Variants in RUNX1T1 observed in about 807,000 individuals in gnomAD.
The protein encoded by RUNX1T1 is protein CBFA2T1.
A neutral mutation model predicts 62.8 loss-of-function variants in RUNX1T1; 4 were observed. That is an observed-to-expected ratio of 0.06 (90% CI 0.03 to 0.15). The LOEUF is 0.15. Ranked by LOEUF, RUNX1T1 falls within the 10% of genes least tolerant of loss-of-function variation. The probability of loss-of-function intolerance (pLI) is 1.00; values close to 1 mark genes in which losing one functional copy is unlikely to be tolerated. For missense variants in RUNX1T1, 508 were observed against 754.3 expected (o/e 0.67, Z 3.82); for synonymous variants, 291 against 286.0 (o/e 1.02, Z -0.18).
chr8:92,022,319 A>C (rs1824278501), intron 1 of RUNX1T1, among the ~76,000 whole-genome samples: 1 of 152,318 alleles, frequency 6.6e-6, no homozygotes, highest in Admixed American at 6.5e-5. Flanking sequence ...CAATGGGAAG[A>C]TGCTGGAGAC....
chr8:91,978,302 G>A (rs1249779690), intron 8 of RUNX1T1, among the ~76,000 whole-genome samples: 1 of 152,108 alleles, frequency 6.6e-6, no homozygotes, highest in Non-Finnish European at 1.5e-5. Context: ...ATAATAAAGT[G>A]AGGACAATAC....
upstream of RUNX1T1, among the ~76,000 whole-genome samples, chr8:92,067,929 A>G (rs1833111733): frequency 6.6e-6 from 1 of 152,324 alleles, no homozygotes; most frequent in Non-Finnish European, 1.5e-5. Flanking sequence ...AGCTTTTAAC[A>G]CTTGCACTGA....
chr8:91,987,016 C>T, intron 6 of RUNX1T1, 44 bp from the exon 8 acceptor site: 2 of 1,261,302 alleles, frequency 1.6e-6, no homozygotes, highest in Non-Finnish European at 2.3e-6. Context: ...GCATTCAGTA[C>T]ACAACCCATA....
At chr8:92,100,684 A>G (rs764103493), upstream of RUNX1T1, among the ~76,000 whole-genome samples, 5 of 152,238 alleles carry the variant, frequency 3.3e-5, no homozygotes, top group African/African-American at 4.8e-5. Context: ...TCTCTGAAAC[A>G]AACAAAAAAA....
At chr8:91,970,017 G>GCT in intron 10 of RUNX1T1, among the ~76,000 whole-genome samples, 2 of 57,572 alleles carry the variant, frequency 3.5e-5, no homozygotes, top group South Asian at 7.0e-4. Flanking sequence ...ATTTAGGCTA[G>GCT]CTGTGTGTGT....
intron 1 of RUNX1T1, among the ~76,000 whole-genome samples, chr8:92,033,746 C>A (rs1430863747): frequency 6.6e-6 from 1 of 151,856 alleles, no homozygotes; most frequent in Non-Finnish European, 1.5e-5. Flanking sequence ...CTGAAGCGGG[C>A]GGATCATGAG....
chr8:92,038,046 CTTTATTTATTTA>C (rs58091057), intron 1 of RUNX1T1, among the ~76,000 whole-genome samples: 1 of 149,984 alleles, frequency 6.7e-6, no homozygotes, highest in Non-Finnish European at 1.5e-5. Flanking sequence ...CAAAATTCTT[CTTTATTTATTTA>C]TTTATTTATT....
At chr8:92,096,253 G>A (rs1206170775) in intron 1 of RUNX1T1, among the ~76,000 whole-genome samples, 3 of 152,146 alleles carry the variant, frequency 2.0e-5, no homozygotes, top group Admixed American at 1.3e-4. Context: ...AATTGTGTTG[G>A]GGGAGGAGGC....
exon 1 of RUNX1T1, chr8:92,062,583 G>A (rs771452543): frequency 6.2e-7 from 1 of 1,614,072 alleles, no homozygotes; most frequent in South Asian, 1.1e-5. Context: ...ACAGAAAGTG[G>A]CTGTCTCCTA....
chr8:92,032,093 C>CAA (rs59047751), intron 1 of RUNX1T1, among the ~76,000 whole-genome samples: 539 of 28,840 alleles, frequency 0.019, 3 homozygotes, highest in African/African-American at 0.028. Context: ...AATCCTGTCT[C>CAA]AAAAAAAAAA....
rs762917550 is a variant in RUNX1T1 at position 92,095,331 on chromosome 8, T to C, written c.-86+4249A>G. 3.3e-6 allele frequency: 5 copies of C among 1,532,314 alleles called. No individual in the cohort carries two copies. The South Asian group carries it at 3.6e-5, about 11-fold the overall frequency. The allele number at this position is 1,532,314 out of a possible 1,614,324, so 94.9% of individuals were successfully genotyped here. A position where few individuals can be genotyped will look rare whatever the true frequency, so the allele number is the denominator to read the frequency against. ...TTCCTCCCTGCTCGCCTCCCTCCCC[T>C]GTTCACGGAGATTACCTTCTGGCAA... is the stretch of plus-strand genomic sequence containing the variant. On this transcript the variant is annotated intron_variant, in intron 1 of 11. Coordinates refer to the RUNX1T1 transcript ENST00000265814.
At chr8:92,022,608 G>C (rs1824336903) in intron 1 of RUNX1T1, among the ~76,000 whole-genome samples, 1 of 152,102 alleles carries the variant, frequency 6.6e-6, no homozygotes, top group African/African-American at 2.4e-5. Context: ...CACTATTCTA[G>C]CAACAAGCTG....
chr8:92,073,547 A>G (rs570510185), intron 2 of RUNX1T1, among the ~76,000 whole-genome samples: 1 of 151,812 alleles, frequency 6.6e-6, no homozygotes, highest in East Asian at 1.9e-4. Flanking sequence ...CAACTCCAAA[A>G]CTCTAAGAGC....
intron 6 of RUNX1T1, among the ~76,000 whole-genome samples, chr8:91,989,188 C>T (rs1817164884): frequency 6.6e-6 from 1 of 152,212 alleles, no homozygotes; most frequent in South Asian, 2.1e-4. Context: ...AGTTACTTTA[C>T]TGAAGGATTC....
intron 6 of RUNX1T1, among the ~76,000 whole-genome samples, chr8:91,990,198 A>C (rs564188069): frequency 1.6e-3 from 248 of 152,320 alleles, no homozygotes; most frequent in African/African-American, 5.8e-3. Context: ...AAACAAAAAA[A>C]CAACCACCAT....
chr8:92,028,333 G>C (rs977900654), intron 1 of RUNX1T1, among the ~76,000 whole-genome samples: 1 of 151,782 alleles, frequency 6.6e-6, no homozygotes, highest in African/African-American at 2.4e-5. Context: ...AGTAAGGAAA[G>C]ATCTGCTGTC....
At chr8:91,980,342 T>C (rs1814949741) in intron 8 of RUNX1T1, among the ~76,000 whole-genome samples, 1 of 152,200 alleles carries the variant, frequency 6.6e-6, no homozygotes, top group Non-Finnish European at 1.5e-5. Flanking sequence ...AACATTTACA[T>C]GCAAATATAC....
intron 10 of RUNX1T1, 59 bp downstream of exon 11, chr8:91,970,597 AAT>A: frequency 7.3e-7 from 1 of 1,378,758 alleles, no homozygotes; most frequent in Non-Finnish European, 9.8e-7. Context: ...TTGAATGAAG[AAT>A]GAGCACTCTA....
intron 3 of RUNX1T1, among the ~76,000 whole-genome samples, chr8:92,013,992 A>C (rs1164432240): frequency 2.6e-5 from 4 of 152,158 alleles, no homozygotes; most frequent in African/African-American, 9.7e-5. Flanking sequence ...TAATGCCACC[A>C]AACTGTACAC....
Sources: allele counts gnomAD v4.1 joint callset (sites outside exome capture counted in the v4.1 genomes callset), GRCh38; gene constraint gnomAD v4.1.1; transcripts MANE v1.5; gene names NCBI Gene and HGNC (gene_info 2026-07-23, HGNC 2026-07-21).